GNAL: variants seen among roughly 807,000 people sequenced by gnomAD.
GNAL encodes the protein G protein subunit alpha L.
A neutral mutation model predicts 55.1 loss-of-function variants in GNAL; 18 were observed. That is an observed-to-expected ratio of 0.33 (90% CI 0.23 to 0.48). The LOEUF is 0.48. Among genes scored for constraint, GNAL ranks in the 20% least tolerant of loss-of-function variants. The probability of loss-of-function intolerance (pLI) is 0.99; values close to 1 mark genes in which losing one functional copy is unlikely to be tolerated. For synonymous variants in GNAL, 253 were observed against 237.0 expected, an observed-to-expected ratio of 1.07 and a Z score of -0.62; for missense variants, 412 against 614.1, an observed-to-expected ratio of 0.67 and a Z score of 3.48.
intron 4 of GNAL, 132 bp downstream of exon 4, chr18:11,754,077 A>G (rs2032954627): frequency 2.5e-5 from 18 of 708,616 alleles, no homozygotes; most frequent in Non-Finnish European, 3.9e-5. Flanking sequence ...CTAAATGCAT[A>G]AGAGGAATAC....
In GNAL at chr18:11,752,372, C is replaced by T; in HGVS notation, c.377-481C>T. ...CCGTCGCAGGAGCCGCACACGTCTCCAACTCTCTATTGCTTTTTGCGCACA... is the reference window on the plus strand; with the variant it reads ...CCGTCGCAGGAGCCGCACACGTCTCTAACTCTCTATTGCTTTTTGCGCACA... On this transcript the variant is annotated intron_variant, in intron 1 of 11. Transcript: ENST00000334049. This position sits in a 1 kb window ranked among gnomAD's most constrained non-coding sequence, Gnocchi z 4.5. The T allele has an allele frequency of 2.6e-6, 4 of 1,552,272 alleles. No individual in the cohort carries two copies. Among genetic ancestry groups the T allele is most frequent in the Non-Finnish European group, 3.5e-6 (4 of 1,153,384 alleles).
chr18:11,796,964 C>G (rs1203412460), intron 4 of GNAL, among the ~76,000 whole-genome samples: 2 of 152,084 alleles, frequency 1.3e-5, no homozygotes, highest in Non-Finnish European at 2.9e-5. Flanking sequence ...CCTATCAGAA[C>G]TTATTTTTGA....
intron 1 of GNAL, chr18:11,746,518 G>A: frequency 4.4e-6 from 1 of 227,772 alleles, no homozygotes; most frequent in Non-Finnish European, 8.8e-6. Flanking sequence ...GCCAAGGGGA[G>A]AGGATCCCTC....
At chr18:11,817,439 G>C (rs2034984024) in intron 4 of GNAL, among the ~76,000 whole-genome samples, 1 of 152,216 alleles carries the variant, frequency 6.6e-6, no homozygotes, top group Non-Finnish European at 1.5e-5. Context: ...TCAGAACATT[G>C]CCTGGGCACT....
Position 11,689,828 on chromosome 18 carries a change from G to A in GNAL, c.265G>A (p.Ala89Thr), listed in dbSNP as rs1555639311. Reference protein sequence around the residue: ...EQLSAEEREAAKEREAVKEAR... With the variant: ...EQLSAEEREATKEREAVKEAR... The stretch of plus-strand genomic sequence containing the variant: ...GCTGAGTGCCGAGGAGCGCGAGGCG[G>A]CCAAGGAGCGCGAGGCGGTCAAGGA... The change falls in exon 1 of 12, where the codon GCC (alanine) becomes ACC (threonine). Residue 89 changes from alanine to threonine, a missense_variant. This residue lies in a region of GNAL where 228 missense variants were observed against 194.8 expected (regional missense o/e 1.17). Coordinates refer to ENST00000334049, the MANE Select transcript of GNAL (RefSeq NM_182978.4). 2 of 1,536,920 alleles carry A rather than the reference G, an allele frequency of 1.3e-6. No homozygotes were observed. Among genetic ancestry groups the A allele is most frequent in the South Asian group, 1.2e-5 (1 of 83,056 alleles).
chr18:11,730,036 C>CTTT (rs1284742278), intron 1 of GNAL, among the ~76,000 whole-genome samples: 1 of 151,478 alleles, frequency 6.6e-6, no homozygotes, highest in African/African-American at 2.4e-5. Context: ...CTTTTCTTTT[C>CTTT]TTTTCTTTTT....
intron 5 of GNAL, among the ~76,000 whole-genome samples, chr18:11,849,080 G>A (rs958464584): frequency 6.6e-6 from 1 of 152,190 alleles, no homozygotes; most frequent in Non-Finnish European, 1.5e-5. Flanking sequence ...GTTAATTTAT[G>A]TAAAGTGCCC....
intron 4 of GNAL, among the ~76,000 whole-genome samples, chr18:11,762,293 C>T (rs1280702017): frequency 2.6e-5 from 4 of 152,244 alleles, no homozygotes; most frequent in Non-Finnish European, 5.9e-5. Flanking sequence ...ATGGAGGTCC[C>T]GAAGCTCTTC....
chr18:11,735,170 C>T (rs962761489), intron 1 of GNAL, among the ~76,000 whole-genome samples: 2 of 151,694 alleles, frequency 1.3e-5, no homozygotes, highest in Non-Finnish European at 2.9e-5. Flanking sequence ...CCTGCCTCAA[C>T]CTCCCAAGTA....
At chr18:11,863,268 G>A (rs1355595313) in intron 6 of GNAL, among the ~76,000 whole-genome samples, 1 of 152,150 alleles carries the variant, frequency 6.6e-6, no homozygotes, top group Non-Finnish European at 1.5e-5. Flanking sequence ...CCCCCGGATT[G>A]CTCAATTCAG....
chr18:11,850,772 T>G (rs2035838180), intron 5 of GNAL, among the ~76,000 whole-genome samples: 1 of 152,222 alleles, frequency 6.6e-6, no homozygotes, highest in African/African-American at 2.4e-5. Flanking sequence ...GCAACTCACC[T>G]AGAAGCTGAA....
chr18:11,701,829 C>G (rs1328637607), intron 1 of GNAL, among the ~76,000 whole-genome samples: 2 of 152,074 alleles, frequency 1.3e-5, no homozygotes, highest in Non-Finnish European at 2.9e-5. Flanking sequence ...GAGACTGCTC[C>G]TTTTATCTCC....
At chr18:11,727,263 G>A (rs1283145449) in intron 1 of GNAL, among the ~76,000 whole-genome samples, 1 of 152,212 alleles carries the variant, frequency 6.6e-6, no homozygotes, top group Admixed American at 6.5e-5. Context: ...GAGCCGCAGG[G>A]TGTCAGGCAT....
rs9952057 is a variant in GNAL at position 11,711,220 on chromosome 18, G to A, written c.376+21281G>A. 6.2e-3 allele frequency among the ~76,000 whole-genome samples: 937 copies of A among 152,252 alleles called. 4 individuals are homozygous for A. Among genetic ancestry groups the A allele is most frequent in the African/African-American group, 0.021 (877 of 41,544 alleles). ...CTTTATCCTGTTCGTGATTCATTGA[G>A]CTTCATGAATCCGGATATCCATTTC... On this transcript the variant is annotated intron_variant, in intron 1 of 11. Coordinates refer to ENST00000334049, the MANE Select transcript of GNAL (RefSeq NM_182978.4).
intron 4 of GNAL, among the ~76,000 whole-genome samples, chr18:11,766,690 A>G (rs1159536885): frequency 2.6e-5 from 4 of 152,238 alleles, no homozygotes; most frequent in Non-Finnish European, 2.9e-5. Context: ...AAATTTAACA[A>G]TAGAGTAAAT....
chr18:11,800,282 A>T (rs1172563157), intron 4 of GNAL, among the ~76,000 whole-genome samples: 2 of 152,184 alleles, frequency 1.3e-5, no homozygotes, highest in East Asian at 3.9e-4. Flanking sequence ...ATTAAATAAG[A>T]TAAGATGACG....
In GNAL at chr18:11,729,318, C is replaced by G. The variant is rs186896169; in HGVS notation, c.377-23535C>G. On this transcript the variant is annotated intron_variant, in intron 1 of 11. Transcript: ENST00000334049. The stretch of plus-strand genomic sequence containing the variant: ...TGCCCCACCTGTGTGGGTTTTCACT[C>G]TTTTGCCCACTCTGCCTTCCCTAAG... 3.3e-5 allele frequency among the ~76,000 whole-genome samples: 5 copies of G among 152,240 alleles called. No individual in the cohort carries two copies. In the South Asian group the frequency reaches 1.0e-3, roughly 32 times the overall value.
intron 11 of GNAL, among the ~76,000 whole-genome samples, chr18:11,879,008 TGAC>T (rs1423698336): frequency 1.3e-5 from 2 of 151,374 alleles, no homozygotes; most frequent in African/African-American, 2.4e-5. Context: ...CTAATGTAAA[TGAC>T]GAGTTAATGG....
At chr18:11,860,033 C>T (rs2036096293) in intron 5 of GNAL, among the ~76,000 whole-genome samples, 1 of 152,208 alleles carries the variant, frequency 6.6e-6, no homozygotes, top group Non-Finnish European at 1.5e-5. Flanking sequence ...AAGGCGTGCA[C>T]CACTGCACCT....
Sources: allele counts gnomAD v4.1 joint callset (sites outside exome capture counted in the v4.1 genomes callset), GRCh38; gene constraint gnomAD v4.1.1; regional missense constraint gnomAD v4.1.1; non-coding constraint Gnocchi (gnomAD v3.1); transcripts MANE v1.5; gene names NCBI Gene and HGNC (gene_info 2026-07-23, HGNC 2026-07-21).